Variants in CACNA1E observed in about 807,000 individuals in gnomAD.
The protein encoded by CACNA1E is voltage-dependent R-type calcium channel subunit alpha-1E.
Under a neutral mutation model 259.2 loss-of-function variants are expected in CACNA1E, and 40 were observed. The ratio of observed to expected loss-of-function variants is 0.15; its 90% CI spans 0.12 to 0.20. CACNA1E has a LOEUF of 0.20. Among genes scored for constraint, CACNA1E ranks in the 10% least tolerant of loss-of-function variants. The pLI is 1.00. For missense variants in CACNA1E, 1,874 were observed against 3,040.1 expected (o/e 0.62, Z 9.02); for synonymous variants, 1,104 against 1,138.5 (o/e 0.97, Z 0.61).
intron 1 of CACNA1E, among the ~76,000 whole-genome samples, chr1:181,391,933 CTCTCTCTCTCTCTGTG>C (rs1367847392): frequency 0.03 from 2,411 of 79,838 alleles, 30 homozygotes; most frequent in African/African-American, 0.052. Context: ...CTGTCTCTCT[CTCTCTCTCTCTCTGTG>C]TGTGTGTGTG....
chr1:181,670,767 C>T (rs910840359), intron 7 of CACNA1E, among the ~76,000 whole-genome samples: 23 of 152,160 alleles, frequency 1.5e-4, no homozygotes, highest in African/African-American at 4.8e-4. Context: ...CCCCACCCCA[C>T]TACCTTTTGT....
chr1:181,464,696 T>C (rs1044495648), intron 2 of CACNA1E, among the ~76,000 whole-genome samples: 1 of 151,662 alleles, frequency 6.6e-6, no homozygotes, highest in African/African-American at 2.4e-5. Flanking sequence ...ATAATCCATA[T>C]GCCTTTTCTT....
chr1:181,558,037 AGT>A (rs1648921381), intron 3 of CACNA1E, among the ~76,000 whole-genome samples: 1 of 152,234 alleles, frequency 6.6e-6, no homozygotes, highest in Non-Finnish European at 1.5e-5. Flanking sequence ...TAATCTAAAG[AGT>A]GAGTTACCAG....
At chr1:181,669,460 C>T (rs1425544665) in intron 7 of CACNA1E, among the ~76,000 whole-genome samples, 1 of 152,214 alleles carries the variant, frequency 6.6e-6, no homozygotes, top group African/African-American at 2.4e-5. Context: ...GACTGGGGAA[C>T]TCTGACTCAT....
chr1:181,662,073 G>A (rs1647742509), intron 7 of CACNA1E, among the ~76,000 whole-genome samples: 1 of 152,168 alleles, frequency 6.6e-6, no homozygotes, highest in East Asian at 1.9e-4. Flanking sequence ...AGAGTGGGGT[G>A]TTCATAATTC....
chr1:181,485,133 T>C lies in CACNA1E; in HGVS notation c.266+1123T>C, dbSNP rs1342467077. On this transcript the variant is annotated intron_variant, in intron 1 of 47. Transcript: ENST00000367573. This position sits in a 1 kb window ranked among gnomAD's most constrained non-coding sequence, Gnocchi z 4.2. Reference sequence around the variant, plus strand: ...AAATATGGGGATGGGGTTGGAGACATGGGACTTTGGGAGGGAGATTTGGGA... The same window carrying C: ...AAATATGGGGATGGGGTTGGAGACACGGGACTTTGGGAGGGAGATTTGGGA... Among the ~76,000 whole-genome samples the C allele has an allele frequency of 2.0e-5, 3 of 152,176 alleles. No individual in the cohort carries two copies. Among genetic ancestry groups the C allele is most frequent in the African/African-American group, 7.2e-5 (3 of 41,440 alleles).
chr1:181,369,594 G>C (rs775072463), intron 1 of CACNA1E, among the ~76,000 whole-genome samples: 4 of 152,154 alleles, frequency 2.6e-5, no homozygotes, highest in Non-Finnish European at 4.4e-5. Context: ...CCAGCCTGAA[G>C]CATGACACAC....
chr1:181,563,182 C>T (rs1463885872), intron 3 of CACNA1E, among the ~76,000 whole-genome samples: 2 of 152,154 alleles, frequency 1.3e-5, no homozygotes, highest in Non-Finnish European at 2.9e-5. Flanking sequence ...GGTTTGTCTT[C>T]TTTGCAAGTA....
chr1:181,544,197 C>T (rs1668810672), intron 3 of CACNA1E, among the ~76,000 whole-genome samples: 1 of 152,148 alleles, frequency 6.6e-6, no homozygotes, highest in Non-Finnish European at 1.5e-5. Flanking sequence ...AGAAGTTCCT[C>T]ACAACAGGCT....
intron 6 of CACNA1E, among the ~76,000 whole-genome samples, chr1:181,631,786 A>G (rs1656767327): frequency 6.6e-6 from 1 of 152,172 alleles, no homozygotes; most frequent in South Asian, 2.1e-4. Context: ...TGCAAGCTGA[A>G]AGTAGAGAGC....
Position 181,483,866 on chromosome 1 carries a change from A to G in CACNA1E, c.122A>G (p.Gln41Arg), listed in dbSNP as rs773295315. The change falls in exon 1 of 48, where the codon CAG (glutamine) becomes CGG (arginine). Residue 41 changes from glutamine to arginine, a missense_variant. Gln to Arg is a conservative substitution (Grantham distance 43). This residue lies in a region of CACNA1E where 110 missense variants were observed against 122.8 expected (regional missense o/e 0.90). Transcript: ENST00000367573. ...PASGQAAAYK[Q>R]TKAQRARTMA... is the part of the protein sequence containing the mutation. ...TCGGGGCAGGCGGCCGCCTACAAGC[A>G]GACGAAAGCACAGAGGGCGCGGACT... 6.2e-7 allele frequency: 1 copy of G among 1,613,686 alleles called. No homozygotes were observed. Among genetic ancestry groups the G allele is most frequent in the Admixed American group, 1.7e-5 (1 of 59,992 alleles).
At chr1:181,391,937 CTCTCTCTCTGTGTGTGTGTGTG>C (rs1656322676) in intron 1 of CACNA1E, among the ~76,000 whole-genome samples, 1 of 74,866 alleles carries the variant, frequency 1.3e-5, no homozygotes, top group African/African-American at 4.1e-5. Context: ...CTCTCTCTCT[CTCTCTCTCTGTGTGTGTGTGTG>C]TGTGTGTGTG....
intron 6 of CACNA1E, among the ~76,000 whole-genome samples, chr1:181,650,506 G>A (rs2102058003): frequency 6.6e-6 from 1 of 152,302 alleles, no homozygotes; most frequent in Non-Finnish European, 1.5e-5. Context: ...AAGAGTCAAA[G>A]GGAAGACTGA....
rs80137304 is a variant in CACNA1E at position 181,803,901 on chromosome 1, T to A, written c.*5067T>A. 6.6e-6 allele frequency: 1 copy of A among 152,186 alleles called. No individual in the cohort carries two copies. Among genetic ancestry groups the A allele is most frequent in the Non-Finnish European group, 1.5e-5 (1 of 68,026 alleles). 9.4% of individuals were successfully genotyped at this position (152,186 alleles called of 1,614,324 possible). ...GAATGGGGTTCACAGCAAAGTCCAA[T>A]TGATGGCTTTTGAGGCTGGGACACC... On this transcript the variant is annotated 3_prime_UTR_variant, in exon 48 of 48. Transcript: ENST00000367573.
rs536997402 is a variant in CACNA1E at position 181,582,028 on chromosome 1, G to A, written c.951+1252G>A. Among the ~76,000 whole-genome samples, 7 of 152,262 alleles carry A rather than the reference G, an allele frequency of 4.6e-5. No homozygotes were observed. In the East Asian group the frequency reaches 1.4e-3, roughly 29 times the overall value. On this transcript the variant is annotated intron_variant, in intron 6 of 47. Transcript: ENST00000367573. ...AAATGCTGTGTCTCAGAAGAAACTCGACGAGACTATAATGCCCAAAGAGCA... is the reference window on the plus strand; with the variant it reads ...AAATGCTGTGTCTCAGAAGAAACTCAACGAGACTATAATGCCCAAAGAGCA...
intron 3 of CACNA1E, among the ~76,000 whole-genome samples, chr1:181,546,999 TTAGA>T (rs1647547906): frequency 6.6e-6 from 1 of 152,204 alleles, no homozygotes; most frequent in Non-Finnish European, 1.5e-5. Flanking sequence ...ACCTGATAAC[TTAGA>T]TGATTTAAAG....
intron 44 of CACNA1E, 71 bp downstream of exon 44, chr1:181,790,627 CAT>C (rs1661220307): frequency 1.0e-6 from 1 of 983,746 alleles, no homozygotes. Flanking sequence ...AATTTTATTA[CAT>C]AGTCATGGTC....
rs187694635 is a variant in CACNA1E at position 181,721,952 on chromosome 1, G to A, written c.2074+77G>A. 839 of 955,268 alleles carry A rather than the reference G, an allele frequency of 8.8e-4. 6 individuals are homozygous for A. In the African/African-American group the frequency reaches 0.012, roughly 14 times the overall value. The allele number at this position is 955,268 out of a possible 1,614,324, so 59.2% of individuals were successfully genotyped here. ...ATTTGAGGAGGCATTGGTGGTGGTG[G>A]TGCTAGAGCTTGGGTTGGTGGGACA... On this transcript the variant is annotated intron_variant, in intron 16 of 47. Transcript: ENST00000367573.
intron 3 of CACNA1E, among the ~76,000 whole-genome samples, chr1:181,512,555 T>C (rs929811524): frequency 1.3e-5 from 2 of 152,168 alleles, no homozygotes; most frequent in African/African-American, 4.8e-5. Flanking sequence ...GTAGATAAAG[T>C]CTTAGAAGGA....
Sources: allele counts gnomAD v4.1 joint callset (sites outside exome capture counted in the v4.1 genomes callset), GRCh38; gene constraint gnomAD v4.1.1; regional missense constraint gnomAD v4.1.1; non-coding constraint Gnocchi (gnomAD v3.1); transcripts MANE v1.5; gene names NCBI Gene and HGNC (gene_info 2026-07-23, HGNC 2026-07-21).